The following DPP10 variants were observed in gnomAD, a reference collection of about 807,000 sequenced individuals.
The protein encoded by DPP10 is dipeptidyl peptidase like 10.
A neutral mutation model predicts 120.9 loss-of-function variants in DPP10; 33 were observed. The observed-to-expected ratio is 0.27, with a 90% CI of 0.21 to 0.37. The LOEUF (loss-of-function observed/expected upper bound fraction) is 0.37. DPP10 is among the 10% of genes least tolerant of loss of function. The pLI, the probability that DPP10 is intolerant of heterozygous loss-of-function variation, is 1.00. For synonymous variants in DPP10, 337 were observed against 326.1 expected (o/e 1.03, Z -0.36); for missense variants, 816 against 942.8 (o/e 0.87, Z 1.76).
intron 3 of DPP10, among the ~76,000 whole-genome samples, chr2:115,356,722 T>G (rs1057061674): frequency 6.6e-6 from 1 of 152,134 alleles, no homozygotes; most frequent in African/African-American, 2.4e-5. Context: ...TTTTGAGATA[T>G]GTTGCATCAA....
intron 1 of DPP10, among the ~76,000 whole-genome samples, chr2:114,706,744 G>A (rs1700712329): frequency 6.6e-6 from 1 of 152,136 alleles, no homozygotes; most frequent in African/African-American, 2.4e-5. Flanking sequence ...AGTATCCACT[G>A]TTCAACCCAC....
At chr2:115,002,465 A>C (rs1701507350) in intron 1 of DPP10, among the ~76,000 whole-genome samples, 1 of 152,222 alleles carries the variant, frequency 6.6e-6, no homozygotes, top group Non-Finnish European at 1.5e-5. Context: ...GACCTGGCAA[A>C]GATTTTATGA....
At chr2:115,210,584 GA>G (rs200611766) in intron 1 of DPP10, among the ~76,000 whole-genome samples, 2,203 of 152,208 alleles carry the variant, frequency 0.014, 60 homozygotes, top group African/African-American at 0.049. Flanking sequence ...GATCCTTGAG[GA>G]ATCGCCACAC....
At chr2:114,528,446 A>G (rs1383040089) in intron 1 of DPP10, among the ~76,000 whole-genome samples, 2 of 152,030 alleles carry the variant, frequency 1.3e-5, no homozygotes, top group African/African-American at 4.8e-5. Flanking sequence ...GAGATAAAAC[A>G]GCCTAACTCT....
chr2:114,791,159 C>T (rs1683211832), intron 1 of DPP10, among the ~76,000 whole-genome samples: 2 of 152,102 alleles, frequency 1.3e-5, no homozygotes, highest in Admixed American at 6.6e-5. Context: ...AAGGCTTGTA[C>T]ATGTGACCTA....
chr2:114,672,450 G>A (rs989363069), intron 1 of DPP10, among the ~76,000 whole-genome samples: 3 of 152,122 alleles, frequency 2.0e-5, no homozygotes, highest in African/African-American at 7.2e-5. Flanking sequence ...TGAATAGTTT[G>A]CACTGATACT....
chr2:114,725,119 C>T (rs1053916083), intron 1 of DPP10, among the ~76,000 whole-genome samples: 1 of 152,102 alleles, frequency 6.6e-6, no homozygotes, highest in African/African-American at 2.4e-5. Context: ...CTGCTTGTAA[C>T]AAGCCAAATG....
At position 114,472,720 on chromosome 2, in the gene DPP10, G is replaced by A. The variant is rs146425270; in HGVS notation, c.60+29882G>A. Among the ~76,000 whole-genome samples the A allele has an allele frequency of 4.7e-3, 711 of 152,294 alleles. 4 individuals carry two copies. Among genetic ancestry groups the A allele is most frequent in the African/African-American group, 0.016 (672 of 41,550 alleles). ...ACCAGAAGATGCCACAAAGTTTAGT[G>A]GTGATGGAGACCCCTCTAGCTAGAA... is the stretch of plus-strand genomic sequence containing the variant. On this transcript the variant is annotated intron_variant, in intron 1 of 25. Transcript: ENST00000410059.
intron 1 of DPP10, chr2:115,066,884 C>T (rs1378257475): frequency 6.6e-6 from 1 of 152,178 alleles, no homozygotes; most frequent in Non-Finnish European, 1.5e-5. Flanking sequence ...ATTAACATAT[C>T]CATCACCTCA....
intron 1 of DPP10, among the ~76,000 whole-genome samples, chr2:114,780,006 G>C (rs553083077): frequency 4.9e-4 from 75 of 152,120 alleles, no homozygotes; most frequent in Non-Finnish European, 9.6e-4. Context: ...TGTGGTGGTG[G>C]TCGCCTGTAG....
intron 2 of DPP10, among the ~76,000 whole-genome samples, chr2:115,311,591 C>G (rs1194497845): frequency 2.0e-5 from 3 of 152,142 alleles, no homozygotes; most frequent in East Asian, 3.9e-4. Flanking sequence ...TCACCACATT[C>G]TAGGTGCTGT....
chr2:114,833,123 A>G (rs1239686541), intron 1 of DPP10, among the ~76,000 whole-genome samples: 1 of 152,100 alleles, frequency 6.6e-6, no homozygotes, highest in African/African-American at 2.4e-5. Context: ...GTATTTATCT[A>G]TGGCATTTTC....
chr2:115,225,735 T>TTGTG (rs1279126304), intron 1 of DPP10, among the ~76,000 whole-genome samples: 1 of 152,226 alleles, frequency 6.6e-6, no homozygotes, highest in East Asian at 1.9e-4. Flanking sequence ...GTGCTAGTTT[T>TTGTG]CTTTATTTGT....
intron 5 of DPP10, among the ~76,000 whole-genome samples, chr2:115,565,960 A>AT: frequency 6.6e-6 from 1 of 151,206 alleles, no homozygotes; most frequent in East Asian, 2.0e-4. Flanking sequence ...TAATTTTTGT[A>AT]TTTTTTGGTA....
intron 1 of DPP10, among the ~76,000 whole-genome samples, chr2:115,299,414 T>A (rs768247909): frequency 6.6e-6 from 1 of 151,884 alleles, no homozygotes; most frequent in Non-Finnish European, 1.5e-5. Flanking sequence ...GCTTCAGCAG[T>A]GAAAGGATTG....
intron 15 of DPP10, 139 bp downstream of exon 15, chr2:115,777,973 A>G (rs1682315351): frequency 2.8e-6 from 2 of 717,056 alleles, no homozygotes; most frequent in East Asian, 2.7e-5. Context: ...AAAGCTTCAC[A>G]CTCTTGCACC....
chr2:114,948,166 C>T (rs1400860639), intron 1 of DPP10, among the ~76,000 whole-genome samples: 1 of 151,878 alleles, frequency 6.6e-6, no homozygotes, highest in Non-Finnish European at 1.5e-5. Flanking sequence ...TGGGAGCGTG[C>T]TTTGACTTAA....
At position 114,802,616 on chromosome 2, in the gene DPP10, A is replaced by G. The variant is rs1684354232; in HGVS notation, c.60+359778A>G. On this transcript the variant is annotated intron_variant, in intron 1 of 25. Coordinates refer to ENST00000410059, the MANE Select transcript of DPP10 (RefSeq NM_020868.6). ...TCAATAATGAAAACGGACTGCTCCT[A>G]GGTTTTAGATCAACGAGCTCTCAAG... Among the ~76,000 whole-genome samples, 3 of 152,162 alleles carry G rather than the reference A, an allele frequency of 2.0e-5. No homozygotes were observed. The South Asian group carries it at 6.2e-4, about 32-fold the overall frequency.
At chr2:115,087,538 C>CTTTTTTTTTTTTTTT (rs56685721) in intron 1 of DPP10, among the ~76,000 whole-genome samples, 1 of 99,232 alleles carries the variant, frequency 1.0e-5, no homozygotes, top group African/African-American at 4.1e-5. Context: ...CTTTTCTTTT[C>CTTTTTTTTTTTTTTT]TTTTTTTTTT....
Sources: allele counts gnomAD v4.1 joint callset (sites outside exome capture counted in the v4.1 genomes callset), GRCh38; gene constraint gnomAD v4.1.1; transcripts MANE v1.5; gene names NCBI Gene and HGNC (gene_info 2026-07-23, HGNC 2026-07-21).